Variants in FRMD4B observed in about 807,000 individuals in gnomAD.
FRMD4B encodes the protein FERM domain containing 4B.
In FRMD4B, 74 loss-of-function variants were observed where a neutral mutation model predicts 141.5. That is an observed-to-expected ratio of 0.52 (90% CI 0.43 to 0.63). The LOEUF (loss-of-function observed/expected upper bound fraction) is 0.63, where lower values mean the gene tolerates loss of function less well. Among genes scored for constraint, FRMD4B ranks in the 30% least tolerant of loss-of-function variants. The pLI is 0.00. For synonymous variants in FRMD4B, 506 were observed against 467.9 expected, an observed-to-expected ratio of 1.08 and a Z score of -1.05; for missense variants, 1,366 against 1,253.4, an observed-to-expected ratio of 1.09 and a Z score of -1.36.
At chr3:69,362,045 A>AC (rs1703484992) in intron 1 of FRMD4B, among the ~76,000 whole-genome samples, 1 of 152,184 alleles carries the variant, frequency 6.6e-6, no homozygotes, top group African/African-American at 2.4e-5. Flanking sequence ...TATTTTAGTG[A>AC]CTGTGAAGTA....
At chr3:69,224,540 C>G in intron 8 of FRMD4B, 67 bp downstream of exon 8, 1 of 759,820 alleles carries the variant, frequency 1.3e-6, no homozygotes, top group Non-Finnish European at 2.3e-6. Context: ...TTTTAATGCC[C>G]TGAAAAGCAT....
intron 18 of FRMD4B, among the ~76,000 whole-genome samples, chr3:69,188,775 A>AAACAAAAAAAAAAC (rs2092800769): frequency 2.7e-5 from 4 of 148,198 alleles, no homozygotes; most frequent in Admixed American, 1.4e-4. Context: ...AAAAAAAAAA[A>AAACAAAAAAAAAAC]AAAAAAAAAC....
At position 69,509,869 on chromosome 3, in the gene FRMD4B, C is replaced by T. The variant is rs74773498; in HGVS notation, c.-129+32337G>A. Among the ~76,000 whole-genome samples the T allele has an allele frequency of 2.3e-3, 349 of 151,514 alleles. 1 individual carries two copies. The highest frequency in any genetic ancestry group is 2.6e-3 in the Non-Finnish European group (177 of 67,844). On this transcript the variant is annotated intron_variant, in intron 1 of 5. Transcript: ENST00000459638. ...ATTTTAGTAAAATTTGATACTAAAG[C>T]GAGTATCAAATATTGCAATCAAGCA...
intron 7 of FRMD4B, among the ~76,000 whole-genome samples, chr3:69,227,364 T>C (rs1195308507): frequency 1.3e-5 from 2 of 152,042 alleles, no homozygotes; most frequent in African/African-American, 2.4e-5. Flanking sequence ...TTAGAATACC[T>C]TGAAAAAAAG....
intron 1 of FRMD4B, among the ~76,000 whole-genome samples, chr3:69,532,825 C>G (rs1701024107): frequency 6.6e-6 from 1 of 152,234 alleles, no homozygotes; most frequent in African/African-American, 2.4e-5. Context: ...TCAGCCACAT[C>G]CATTGTTGGG....
At chr3:69,363,412 C>A (rs1025569212) in intron 1 of FRMD4B, among the ~76,000 whole-genome samples, 1 of 136,408 alleles carries the variant, frequency 7.3e-6, no homozygotes, top group African/African-American at 2.8e-5. Context: ...TTTTTTGAGA[C>A]GGAGTCTTGC....
At chr3:69,258,808 C>T (rs144521042) in intron 5 of FRMD4B, among the ~76,000 whole-genome samples, 3 of 152,114 alleles carry the variant, frequency 2.0e-5, no homozygotes, top group African/African-American at 7.2e-5. Context: ...GGACCTATCT[C>T]CCCACTGGAA....
intron 7 of FRMD4B, among the ~76,000 whole-genome samples, chr3:69,229,372 G>A (rs963130185): frequency 4.6e-5 from 7 of 151,984 alleles, no homozygotes; most frequent in Non-Finnish European, 1.0e-4. Flanking sequence ...ATTTCTTCAC[G>A]TTAGAAAAGG....
chr3:69,469,381 C>A (rs527820258), intron 1 of FRMD4B, among the ~76,000 whole-genome samples: 1 of 152,122 alleles, frequency 6.6e-6, no homozygotes, highest in Non-Finnish European at 1.5e-5. Context: ...AAGAAATGTT[C>A]TTAAGTGCCT....
chr3:69,325,886 A>G (rs544374403), intron 1 of FRMD4B, among the ~76,000 whole-genome samples: 2 of 152,288 alleles, frequency 1.3e-5, no homozygotes, highest in South Asian at 2.1e-4. Flanking sequence ...GCTATTGAGT[A>G]CTATCCTGTT....
At chr3:69,518,826 G>T (rs1700806078) in intron 1 of FRMD4B, among the ~76,000 whole-genome samples, 1 of 152,208 alleles carries the variant, frequency 6.6e-6, no homozygotes, top group Non-Finnish European at 1.5e-5. Flanking sequence ...GCCCCCTGCA[G>T]ATCTAGGGCA....
At chr3:69,534,185 A>C (rs983344540) in intron 1 of FRMD4B, among the ~76,000 whole-genome samples, 1 of 148,294 alleles carries the variant, frequency 6.7e-6, no homozygotes, top group Non-Finnish European at 1.5e-5. Context: ...TTCCCTTCAT[A>C]GGTTTTGCCA....
At chr3:69,196,494 A>G (rs1322873372) in intron 13 of FRMD4B, 98 bp from the exon 14 acceptor site, 7 of 947,868 alleles carry the variant, frequency 7.4e-6, no homozygotes, top group Non-Finnish European at 1.1e-5. Flanking sequence ...AACACAGAGG[A>G]TAATTTAGAA....
rs137924911 is a variant in FRMD4B at position 69,176,755 on chromosome 3, G to A, written c.2852-99C>T. On this transcript the variant is annotated intron_variant, in intron 21 of 22. Transcript: ENST00000398540. ...GTACATTGCAATCAGCTTTGTCAGA[G>A]GAGAAATTTAAGAGGGTTTGAAATA... The A allele has an allele frequency of 6.1e-4, 475 of 782,002 alleles. 3 individuals are homozygous for A. In the African/African-American group the frequency reaches 7.6e-3, roughly 13 times the overall value. 48.4% of individuals were successfully genotyped at this position (782,002 alleles called of 1,614,324 possible).
chr3:69,181,963 G>A (rs2092712952), intron 20 of FRMD4B, among the ~76,000 whole-genome samples: 1 of 152,050 alleles, frequency 6.6e-6, no homozygotes. Flanking sequence ...CTTCCTTGAG[G>A]GTAGGGAAAG....
intron 1 of FRMD4B, among the ~76,000 whole-genome samples, chr3:69,458,849 TAAAAAAA>T (rs35229515): frequency 1.1e-4 from 9 of 82,172 alleles, no homozygotes; most frequent in South Asian, 9.7e-4. Flanking sequence ...ATGGGCTGCT[TAAAAAAA>T]AAAAAAAAAA....
At chr3:69,419,912 A>G (rs1704940663) in intron 2 of FRMD4B, among the ~76,000 whole-genome samples, 1 of 152,200 alleles carries the variant, frequency 6.6e-6, no homozygotes, top group African/African-American at 2.4e-5. Context: ...GCTGGAGTGC[A>G]ATGGCACAAT....
intron 1 of FRMD4B, among the ~76,000 whole-genome samples, chr3:69,474,711 T>C (rs866651482): frequency 3.9e-5 from 6 of 152,210 alleles, no homozygotes; most frequent in African/African-American, 1.4e-4. Context: ...TTGTGTGCTA[T>C]TACTCATCCA....
rs372079503 is a variant in FRMD4B, at chr3:69,471,134, G to C, written c.-128-38373C>G. Among the ~76,000 whole-genome samples the C allele has an allele frequency of 2.0e-5, 3 of 152,140 alleles. No homozygotes were observed. The East Asian group carries it at 5.8e-4, about 29-fold the overall frequency. On this transcript the variant is annotated intron_variant, in intron 1 of 5. Coordinates refer to the FRMD4B transcript ENST00000459638. ...TTTTTTCTAATCATTTGAAGTTACA[G>C]AGAAGGTAAGATTCTTTCAAGGGGT...
Sources: gnomAD v4.1 joint callset for allele counts (sites outside exome capture counted in the v4.1 genomes callset) on GRCh38, gnomAD v4.1.1 for gene constraint, MANE v1.5 for transcripts, NCBI Gene and HGNC (gene_info 2026-07-23, HGNC 2026-07-21) for gene names.